The following CTTNBP2 variants were observed in gnomAD, a reference collection of about 807,000 sequenced individuals.
CTTNBP2 encodes cortactin binding protein 2.
Under a neutral mutation model 156.9 loss-of-function variants are expected in CTTNBP2, and 108 were observed. The observed-to-expected ratio is 0.69, with a 90% confidence interval of 0.59 to 0.81. The LOEUF is 0.81. CTTNBP2 is among the 30% of genes least tolerant of loss of function. The pLI is 0.00. For missense variants in CTTNBP2, 1,924 were observed against 2,035.4 expected (o/e 0.95, Z 1.05); for synonymous variants, 767 against 751.8 (o/e 1.02, Z -0.33).
chr7:117,739,684 A>G (rs1219695174), intron 14 of CTTNBP2, among the ~76,000 whole-genome samples: 2 of 152,218 alleles, frequency 1.3e-5, no homozygotes, highest in Non-Finnish European at 2.9e-5. Flanking sequence ...CTCCAAGTCT[A>G]TTATCTCCCC....
At chr7:117,796,058 A>G (rs1799297347) in intron 3 of CTTNBP2, among the ~76,000 whole-genome samples, 1 of 152,124 alleles carries the variant, frequency 6.6e-6, no homozygotes, top group African/African-American at 2.4e-5. Flanking sequence ...AAAAACATTC[A>G]AACTCACTCA....
intron 2 of CTTNBP2, among the ~76,000 whole-genome samples, chr7:117,826,796 A>C (rs1801306256): frequency 6.7e-6 from 1 of 150,070 alleles, no homozygotes; most frequent in Admixed American, 6.7e-5. Context: ...TCTTTCAATA[A>C]TTTAAAAGAA....
intron 2 of CTTNBP2, among the ~76,000 whole-genome samples, chr7:117,814,779 C>T (rs888933110): frequency 6.6e-6 from 1 of 152,138 alleles, no homozygotes; most frequent in African/African-American, 2.4e-5. Flanking sequence ...TTAGCCTTTA[C>T]GAAGTATAAA....
At chr7:117,798,099 C>T (rs1315179596) in intron 3 of CTTNBP2, among the ~76,000 whole-genome samples, 1 of 151,908 alleles carries the variant, frequency 6.6e-6, no homozygotes, top group East Asian at 1.9e-4. Context: ...TAAATGATGG[C>T]AATGGTGATA....
At chr7:117,749,127 A>C (rs1287032709) in intron 12 of CTTNBP2, among the ~76,000 whole-genome samples, 1 of 152,216 alleles carries the variant, frequency 6.6e-6, no homozygotes, top group Non-Finnish European at 1.5e-5. Flanking sequence ...CTAGCAAATA[A>C]TTTAAGGGTG....
Position 117,730,332 on chromosome 7 carries a change from G to T in CTTNBP2, c.3877-2065C>A, listed in dbSNP as rs570892712. The stretch of plus-strand genomic sequence containing the variant: ...AAAATAAGTACTCTTCCCAACTTCC[G>T]CCCGAGTTTCTATAGTGGTACCTTA... On this transcript the variant is annotated intron_variant, in intron 16 of 22. Coordinates refer to ENST00000160373, the MANE Select transcript of CTTNBP2 (RefSeq NM_033427.3). 8.5e-5 allele frequency among the ~76,000 whole-genome samples: 13 copies of T among 152,162 alleles called. No individual in the cohort carries two copies. The South Asian group carries it at 2.3e-3, about 27-fold the overall frequency.
intron 21 of CTTNBP2, among the ~76,000 whole-genome samples, chr7:117,718,794 T>A (rs1183990555): frequency 6.6e-6 from 1 of 152,228 alleles, no homozygotes; most frequent in Non-Finnish European, 1.5e-5. Flanking sequence ...ATAACATAAG[T>A]CTGCTGTGAT....
At chr7:117,833,588 C>T (rs1234084013) in intron 2 of CTTNBP2, among the ~76,000 whole-genome samples, 1 of 152,168 alleles carries the variant, frequency 6.6e-6, no homozygotes, top group Non-Finnish European at 1.5e-5. Flanking sequence ...CTTTCCTAAC[C>T]ACCCTAATGC....
chr7:117,745,330 T>C (rs1371016540), intron 14 of CTTNBP2, among the ~76,000 whole-genome samples: 1 of 152,200 alleles, frequency 6.6e-6, no homozygotes, highest in African/African-American at 2.4e-5. Context: ...AGTTAATTAG[T>C]GCATGTGATG....
Position 117,742,062 on chromosome 7 carries a change from A to G in CTTNBP2, c.3535+3769T>C, listed in dbSNP as rs553332094. Among the ~76,000 whole-genome samples the G allele has an allele frequency of 4.9e-4, 75 of 152,358 alleles. 1 individual carries two copies. Among genetic ancestry groups the G allele is most frequent in the African/African-American group, 1.8e-3 (73 of 41,596 alleles). On this transcript the variant is annotated intron_variant, in intron 14 of 22. Transcript: ENST00000160373. ...CTTGACATACAGTTGGGTAGAGCCC[A>G]GAAGTATAAATAAAATCCACTGCTG...
intron 1 of CTTNBP2, among the ~76,000 whole-genome samples, chr7:117,867,262 T>C (rs938197267): frequency 1.3e-5 from 2 of 152,140 alleles, no homozygotes; most frequent in Non-Finnish European, 2.9e-5. Flanking sequence ...TTCCTAATCC[T>C]CCATTCTCCT....
Position 117,781,554 on chromosome 7 carries a change from C to T in CTTNBP2, c.2373-963G>A, listed in dbSNP as rs189575665. On this transcript the variant is annotated intron_variant, in intron 6 of 22. Coordinates refer to ENST00000160373, the MANE Select transcript of CTTNBP2 (RefSeq NM_033427.3). ...AGGAGATCCAGACCATTCTGGCCAA[C>T]ACGGTGAAACCCGTCTCTACTAAAA... Among the ~76,000 whole-genome samples, 84 of 152,294 alleles carry T rather than the reference C, an allele frequency of 5.5e-4. 1 individual carries two copies. Among genetic ancestry groups the T allele is most frequent in the South Asian group, 1.0e-3 (5 of 4,820 alleles).
intron 9 of CTTNBP2, among the ~76,000 whole-genome samples, chr7:117,763,390 C>T (rs946326661): frequency 2.0e-5 from 3 of 150,926 alleles, no homozygotes; most frequent in Admixed American, 2.0e-4. Context: ...TGTAACTGCA[C>T]AAAACTTGTC....
At chr7:117,731,455 G>C (rs1795394806) in intron 16 of CTTNBP2, among the ~76,000 whole-genome samples, 1 of 152,160 alleles carries the variant, frequency 6.6e-6, no homozygotes, top group African/African-American at 2.4e-5. Context: ...TCTTTTTGAA[G>C]GCCTGTCTTT....
chr7:117,757,079 C>A (rs943163593), intron 11 of CTTNBP2, among the ~76,000 whole-genome samples: 6 of 152,224 alleles, frequency 3.9e-5, no homozygotes, highest in Non-Finnish European at 8.8e-5. Flanking sequence ...ACCCCTCCCC[C>A]CAAGTTCTGC....
Position 117,792,753 on chromosome 7 carries a change from G to C in CTTNBP2, c.443C>G (p.Ala148Gly), listed in dbSNP as rs1799103906. ...KLEMEKLQLQ[A>G]LEQEHKKLAA... Reference sequence around the variant, plus strand: ...CAGCTTCTTGTGCTCTTGCTCAAGGGCTTGTAGCTGAAGCTTCTCCATTTC... The same window carrying C: ...CAGCTTCTTGTGCTCTTGCTCAAGGCCTTGTAGCTGAAGCTTCTCCATTTC... The change falls in exon 4 of 23, where the codon GCC (alanine) becomes GGC (glycine). Residue 148 changes from alanine (A) to glycine (G), a missense_variant. Physicochemically the swap from Ala to Gly is moderately conservative, Grantham distance 60. Coordinates refer to ENST00000160373, the MANE Select transcript of CTTNBP2 (RefSeq NM_033427.3). The surrounding 1 kb of genome is among the most constrained non-coding windows in gnomAD (Gnocchi z 4.2). 1 of 1,572,826 alleles carries C rather than the reference G, an allele frequency of 6.4e-7. No individual in the cohort carries two copies. The highest frequency in any genetic ancestry group is 8.6e-7 in the Non-Finnish European group (1 of 1,162,114).
intron 20 of CTTNBP2, among the ~76,000 whole-genome samples, chr7:117,720,833 A>G (rs902664185): frequency 2.7e-4 from 41 of 152,268 alleles, no homozygotes; most frequent in African/African-American, 9.6e-4. Context: ...ACAAATTACA[A>G]GCAAAATAGT....
intron 8 of CTTNBP2, among the ~76,000 whole-genome samples, chr7:117,774,224 T>C (rs1032127223): frequency 2.6e-5 from 4 of 152,088 alleles, no homozygotes; most frequent in South Asian, 4.2e-4. Context: ...TTCTTAACCA[T>C]TGAAAAAAAG....
chr7:117,791,089 A>G, intron 4 of CTTNBP2, 39 bp downstream of exon 4: 3 of 1,525,090 alleles, frequency 2.0e-6, no homozygotes, highest in Non-Finnish European at 2.7e-6. Context: ...AAGAGAGGCC[A>G]TATTCTTTAA....
Sources: gnomAD v4.1 joint callset for allele counts (sites outside exome capture counted in the v4.1 genomes callset) on GRCh38, gnomAD v4.1.1 for gene constraint, Gnocchi (gnomAD v3.1) non-coding constraint, MANE v1.5 for transcripts, NCBI Gene and HGNC (gene_info 2026-07-23, HGNC 2026-07-21) for gene names.